KCNN2: variants seen among roughly 807,000 people sequenced by gnomAD.
KCNN2 encodes the protein small conductance calcium-activated potassium channel protein 2.
Under a neutral mutation model 55.5 loss-of-function variants are expected in KCNN2, and 24 were observed. The observed-to-expected ratio is 0.43, with a 90% CI of 0.31 to 0.61. KCNN2 has a LOEUF of 0.61. Ranked by LOEUF, KCNN2 falls within the 20% of genes least tolerant of loss-of-function variation. The pLI, the probability that KCNN2 is intolerant of heterozygous loss-of-function variation, is 0.08. For synonymous variants in KCNN2, 431 were observed against 336.1 expected (o/e 1.28, Z -3.09); for missense variants, 754 against 853.6 (o/e 0.88, Z 1.45).
At chr5:114,312,573 C>A (rs1756428091) in intron 2 of KCNN2, among the ~76,000 whole-genome samples, 1 of 150,484 alleles carries the variant, frequency 6.6e-6, no homozygotes, top group Non-Finnish European at 1.5e-5. Context: ...GCCCAAAATT[C>A]TTAGCAGTAA....
At chr5:114,108,822 C>A (rs1751538607) in intron 1 of KCNN2, among the ~76,000 whole-genome samples, 1 of 151,974 alleles carries the variant, frequency 6.6e-6, no homozygotes, top group Admixed American at 6.6e-5. Context: ...GTTAAAGCTG[C>A]AATAAGCAAT....
At chr5:114,457,500 T>G (rs935229222) in intron 3 of KCNN2, among the ~76,000 whole-genome samples, 1 of 152,226 alleles carries the variant, frequency 6.6e-6, no homozygotes, top group East Asian at 1.9e-4. Flanking sequence ...CCCCCAGGTA[T>G]GACTGCACTT....
At chr5:114,272,300 C>T (rs1755356301) in intron 2 of KCNN2, among the ~76,000 whole-genome samples, 1 of 149,636 alleles carries the variant, frequency 6.7e-6, no homozygotes, top group Admixed American at 6.6e-5. Flanking sequence ...TATGTATGTA[C>T]ATATCACACA....
intron 1 of KCNN2, among the ~76,000 whole-genome samples, chr5:114,128,392 T>G (rs1269779171): frequency 1.3e-5 from 2 of 152,070 alleles, no homozygotes; most frequent in Non-Finnish European, 2.9e-5. Context: ...AATAATCAGA[T>G]TTCATGGGAA....
At chr5:114,310,246 C>T (rs552613518) in intron 2 of KCNN2, among the ~76,000 whole-genome samples, 3 of 152,174 alleles carry the variant, frequency 2.0e-5, no homozygotes, top group Admixed American at 6.5e-5. Flanking sequence ...GGAGAGACCA[C>T]GAGAGAGATG....
intron 2 of KCNN2, among the ~76,000 whole-genome samples, chr5:114,331,794 C>A (rs975060012): frequency 6.6e-6 from 1 of 151,998 alleles, no homozygotes; most frequent in Non-Finnish European, 1.5e-5. Context: ...CAAAAATATT[C>A]TTTTTTTTCT....
intron 2 of KCNN2, among the ~76,000 whole-genome samples, chr5:114,251,931 T>G (rs1281005591): frequency 6.7e-6 from 1 of 149,972 alleles, no homozygotes; most frequent in Non-Finnish European, 1.5e-5. Flanking sequence ...CAGGCTGAAG[T>G]GTAGTGGTGT....
At chr5:114,407,334 C>T (rs1244514342) in intron 3 of KCNN2, among the ~76,000 whole-genome samples, 1 of 151,950 alleles carries the variant, frequency 6.6e-6, no homozygotes, top group East Asian at 1.9e-4. Flanking sequence ...TGGAAGATAA[C>T]CTCAAATTTA....
intron 3 of KCNN2, among the ~76,000 whole-genome samples, chr5:114,435,247 C>T (rs1019491901): frequency 1.3e-5 from 2 of 151,978 alleles, no homozygotes; most frequent in Admixed American, 1.3e-4. Flanking sequence ...CTGAGGCTGG[C>T]TTCAGAGGTG....
Position 114,363,939 on chromosome 5 carries a change from A to C in KCNN2, c.1156A>C (p.Ile386Leu). 6.2e-7 allele frequency: 1 copy of C among 1,614,044 alleles called. No individual in the cohort carries two copies. Residue 386 changes from isoleucine (I) to leucine (L), a missense_variant, in exon 2 of 8, where the codon ATC becomes CTC. Ile to Leu is a conservative substitution (Grantham distance 5). Coordinates refer to ENST00000673685, the MANE Select transcript of KCNN2 (RefSeq NM_021614.4). ...GTATTCCTTAGCTCTGAAATGCCTT[A>C]TCAGTCTCTCCACGATCATCCTGCT... is the stretch of plus-strand genomic sequence containing the variant. ...SLYSLALKCLISLSTIILLGL... is the reference protein window; with the variant it reads ...SLYSLALKCLLSLSTIILLGL...
intron 1 of KCNN2, among the ~76,000 whole-genome samples, chr5:114,207,211 C>T (rs1753794092): frequency 6.6e-6 from 1 of 152,098 alleles, no homozygotes; most frequent in African/African-American, 2.4e-5. Context: ...ACAATAACTG[C>T]TCTCTGAGCA....
chr5:114,082,053 C>T (rs1750837085), intron 1 of KCNN2, among the ~76,000 whole-genome samples: 1 of 151,770 alleles, frequency 6.6e-6, no homozygotes, highest in Non-Finnish European at 1.5e-5. Flanking sequence ...TAAAAATGTC[C>T]AGTAAGCACG....
intron 2 of KCNN2, among the ~76,000 whole-genome samples, chr5:114,369,942 C>T (rs1016889844): frequency 2.6e-5 from 4 of 151,904 alleles, no homozygotes; most frequent in African/African-American, 9.7e-5. Flanking sequence ...GCAGGGAGCA[C>T]CAAGGCAGCC....
chr5:114,104,048 T>G (rs994336353), intron 1 of KCNN2, among the ~76,000 whole-genome samples: 12 of 152,054 alleles, frequency 7.9e-5, no homozygotes, highest in African/African-American at 2.7e-4. Flanking sequence ...GTGAATCCGT[T>G]TGGTCCTACG....
At chr5:114,097,574 C>T (rs1376428898) in intron 1 of KCNN2, among the ~76,000 whole-genome samples, 1 of 152,036 alleles carries the variant, frequency 6.6e-6, no homozygotes, top group African/African-American at 2.4e-5. Context: ...CTCGCCACTT[C>T]CTGCCCAGTC....
At chr5:114,387,206 G>T (rs905199451) in intron 2 of KCNN2, among the ~76,000 whole-genome samples, 6 of 152,174 alleles carry the variant, frequency 3.9e-5, no homozygotes, top group Admixed American at 2.0e-4. Flanking sequence ...TGACCAACAG[G>T]TCTTACCATG....
intron 1 of KCNN2, among the ~76,000 whole-genome samples, chr5:114,185,478 G>A (rs975736731): frequency 1.4e-4 from 22 of 152,176 alleles, no homozygotes; most frequent in African/African-American, 5.3e-4. Flanking sequence ...GGAGGAGCCC[G>A]GCCTCTCCTT....
chr5:114,182,079 A>T (rs570134663), intron 1 of KCNN2, among the ~76,000 whole-genome samples: 1 of 152,126 alleles, frequency 6.6e-6, no homozygotes, highest in Admixed American at 6.5e-5. Flanking sequence ...AAAAATATGG[A>T]TATCCATTTA....
At chr5:114,241,762 A>ATTTG (rs1561537074) in intron 2 of KCNN2, among the ~76,000 whole-genome samples, 1 of 19,792 alleles carries the variant, frequency 5.1e-5, no homozygotes. Context: ...GTATATATAT[A>ATTTG]CGTATATATA....
Sources: gnomAD v4.1 joint callset for allele counts (sites outside exome capture counted in the v4.1 genomes callset) on GRCh38, gnomAD v4.1.1 for gene constraint, MANE v1.5 for transcripts, NCBI Gene and HGNC (gene_info 2026-07-23, HGNC 2026-07-21) for gene names.